The following PHC2 variants were observed in gnomAD, a reference collection of about 807,000 sequenced individuals.
PHC2 encodes polyhomeotic homolog 2, also known as polyhomeotic-like protein 2.
In PHC2, 29 loss-of-function variants were observed where a neutral mutation model predicts 87.4. The observed-to-expected ratio is 0.33, with a 90% CI of 0.25 to 0.45. The LOEUF (loss-of-function observed/expected upper bound fraction) is 0.45, where lower values mean the gene tolerates loss of function less well. Ranked by LOEUF, PHC2 falls within the 20% of genes least tolerant of loss-of-function variation. The pLI is 1.00. For synonymous variants in PHC2, 438 were observed against 461.7 expected (o/e 0.95, Z 0.66); for missense variants, 857 against 1,136.7 (o/e 0.75, Z 3.54).
rs761984825 is a variant in PHC2 at position 33,367,372 on chromosome 1, G to A, written c.720C>T (p.Pro240=). Residue 240 remains proline (P), a synonymous_variant, in exon 7 of 15, where the codon CCC becomes CCT. Transcript: ENST00000683057. ...TGGGCAGGACAGGCTGAGTGGGGGT[G>A]GGGCCCGAGGCTGCTGCCGCTGGTG... ...QQTPAAAASG[P]TPTQPVLPSL... is the part of the protein sequence containing the mutation. 3.1e-6 allele frequency: 5 copies of A among 1,606,762 alleles called. No homozygotes were observed. The highest frequency in any genetic ancestry group is 1.7e-5 in the Admixed American group (1 of 59,708).
At chr1:33,408,853 T>C (rs1202211254) in intron 1 of PHC2, among the ~76,000 whole-genome samples, 1 of 152,282 alleles carries the variant, frequency 6.6e-6, no homozygotes, top group Non-Finnish European at 1.5e-5. Context: ...GACTTCCTTG[T>C]TACCATCCCA....
intron 9 of PHC2, among the ~76,000 whole-genome samples, chr1:33,350,826 C>T (rs563938537): frequency 6.6e-6 from 1 of 152,032 alleles, no homozygotes; most frequent in South Asian, 2.1e-4. Context: ...AATTTTCAAC[C>T]CCCCTTTTCA....
chr1:33,347,054 A>G (rs1322893054), intron 9 of PHC2: 7 of 985,376 alleles, frequency 7.1e-6, no homozygotes, highest in African/African-American at 1.7e-5. Context: ...GATCAGAACC[A>G]AGGGATCCAA....
rs536270556 is a variant in PHC2, at chr1:33,388,362, T to G, written c.-54-12769A>C. ...TTTTTAGACAGAGTTTTGCTCTTGT[T>G]GCCCAGGCTGGAGTGCAATGGCGCG... On this transcript the variant is annotated intron_variant, in intron 1 of 14. Transcript: ENST00000683057. Among the ~76,000 whole-genome samples the G allele has an allele frequency of 3.9e-4, 59 of 151,714 alleles. 1 individual carries two copies. In the South Asian group the frequency reaches 0.012, roughly 31 times the overall value.
chr1:33,330,189 C>T lies in PHC2; in HGVS notation c.2030G>A (p.Arg677Gln), dbSNP rs1646460122. ...AKRYNVGCTK[R>Q]VGLFHSDRSK... is the part of the protein sequence containing the mutation. ...CCGGTCTGAGTGGAAAAGTCCCACCCGTTTGGTGCATCCCACGTTGTACCT... is the reference window on the plus strand; with the variant it reads ...CCGGTCTGAGTGGAAAAGTCCCACCTGTTTGGTGCATCCCACGTTGTACCT... Residue 677 changes from arginine to glutamine, a missense_variant, in exon 13 of 15, where the codon CGG becomes CAG. Arg to Gln is a conservative substitution (Grantham distance 43). Coordinates refer to ENST00000683057, the MANE Select transcript of PHC2 (RefSeq NM_001385109.1). 1.2e-6 allele frequency: 2 copies of T among 1,614,198 alleles called. No individual in the cohort carries two copies. Among genetic ancestry groups the T allele is most frequent in the Non-Finnish European group, 1.7e-6 (2 of 1,180,048 alleles).
chr1:33,389,665 T>C (rs1648951079), intron 1 of PHC2, among the ~76,000 whole-genome samples: 1 of 152,188 alleles, frequency 6.6e-6, no homozygotes, highest in Non-Finnish European at 1.5e-5. Flanking sequence ...TAGCCTTTAA[T>C]TGCTATTAAC....
intron 1 of PHC2, among the ~76,000 whole-genome samples, chr1:33,403,225 C>G (rs1649620975): frequency 7.0e-6 from 1 of 143,424 alleles, no homozygotes; most frequent in South Asian, 2.3e-4. Context: ...CTCCCAGGTT[C>G]AAGAGATTCT....
intron 1 of PHC2, among the ~76,000 whole-genome samples, chr1:33,399,199 C>T (rs1202809960): frequency 1.3e-5 from 2 of 152,030 alleles, no homozygotes; most frequent in Non-Finnish European, 2.9e-5. Context: ...GTTTCCTTGT[C>T]TTTAAAGCAG....
At position 33,334,423 on chromosome 1, in the gene PHC2, G is replaced by A; in HGVS notation, c.1559-131C>T. ...GCCAAGCGACAATGCAAACCAAGCA[G>A]TCCCCTCCCCTCAGTGACCCATTTA... On this transcript the variant is annotated intron_variant, in intron 9 of 14. Coordinates refer to ENST00000683057, the MANE Select transcript of PHC2 (RefSeq NM_001385109.1). This position sits in a 1 kb window ranked among gnomAD's most constrained non-coding sequence, Gnocchi z 5.5. 1 of 732,670 alleles carries A rather than the reference G, an allele frequency of 1.4e-6. No homozygotes were observed. The highest frequency in any genetic ancestry group is 1.7e-5 in the South Asian group (1 of 60,244). 45.4% of individuals were successfully genotyped at this position (732,670 alleles called of 1,614,324 possible).
Position 33,332,694 on chromosome 1 carries a change from A to G in PHC2, c.1762-290T>C, listed in dbSNP as rs1318157461. 6.6e-6 allele frequency among the ~76,000 whole-genome samples: 1 copy of G among 152,166 alleles called. No individual in the cohort carries two copies. Among genetic ancestry groups the G allele is most frequent in the Non-Finnish European group, 1.5e-5 (1 of 68,040 alleles). ...TTCCAGTAAGAGTCTAAGGGCTGAG[A>G]TCAGGTTTCCCACAGTGCCAGATCA... On this transcript the variant is annotated intron_variant, in intron 10 of 14. Transcript: ENST00000683057. The surrounding 1 kb of genome is among the most constrained non-coding windows in gnomAD (Gnocchi z 4.2).
rs1648532362 is a variant in PHC2 at position 33,382,303 on chromosome 1, T to C, written c.-54-6710A>G. On this transcript the variant is annotated intron_variant, in intron 1 of 14. Coordinates refer to ENST00000683057, the MANE Select transcript of PHC2 (RefSeq NM_001385109.1). This position sits in a 1 kb window ranked among gnomAD's most constrained non-coding sequence, Gnocchi z 4.3. ...AGTCTCAGTAAGGGCTACTGAGGCA[T>C]CTGTGGACTCTCCTTACATCCTTCC... Among the ~76,000 whole-genome samples, 1 of 152,182 alleles carries C rather than the reference T, an allele frequency of 6.6e-6. No individual in the cohort carries two copies. Among genetic ancestry groups the C allele is most frequent in the Non-Finnish European group, 1.5e-5 (1 of 68,022 alleles).
At chr1:33,394,003 C>G (rs1030716552) in intron 1 of PHC2, among the ~76,000 whole-genome samples, 4 of 152,118 alleles carry the variant, frequency 2.6e-5, no homozygotes, top group African/African-American at 9.7e-5. Flanking sequence ...TTCAGAAAGG[C>G]AGAGTTAAGG....
chr1:33,363,481 C>T (rs4271176), intron 7 of PHC2, among the ~76,000 whole-genome samples: 151,943 of 152,314 alleles, frequency 1, 75,786 homozygotes, highest in Non-Finnish European at 1. Context: ...ATCAGCAACA[C>T]TGCATTGTCC....
At chr1:33,397,783 C>T (rs1269959216) in intron 1 of PHC2, among the ~76,000 whole-genome samples, 2 of 152,090 alleles carry the variant, frequency 1.3e-5, no homozygotes, top group Non-Finnish European at 2.9e-5. Context: ...ATGACCTCTG[C>T]AGAGAATACT....
intron 8 of PHC2, 108 bp from the exon 9 acceptor site, chr1:33,354,674 T>TTCAG (rs908750937): frequency 1.1e-4 from 154 of 1,351,010 alleles, no homozygotes; most frequent in Middle Eastern, 4.7e-4. Flanking sequence ...GACCTTAAGA[T>TTCAG]TCAGTCATCC....
Position 33,421,828 on chromosome 1 carries a change from C to T in PHC2, c.-55+9148G>A, listed in dbSNP as rs1025652274. ...AGGCTCATTAAAGGTTCTTCGCTAA[C>T]TGCATGATTCCGTCTCTGGTCTCAC... On this transcript the variant is annotated intron_variant, in intron 1 of 14. Transcript: ENST00000683057. Among the ~76,000 whole-genome samples, 3 of 152,336 alleles carry T rather than the reference C, an allele frequency of 2.0e-5. No individual in the cohort carries two copies. The East Asian group carries it at 5.8e-4, about 29-fold the overall frequency.
intron 1 of PHC2, among the ~76,000 whole-genome samples, chr1:33,394,761 C>T (rs1006909868): frequency 2.0e-5 from 3 of 152,032 alleles, no homozygotes; most frequent in Admixed American, 6.6e-5. Flanking sequence ...GTAGAGATGG[C>T]GTCTTGCTTT....
chr1:33,344,564 T>G (rs1222977100), intron 9 of PHC2, among the ~76,000 whole-genome samples: 2 of 152,244 alleles, frequency 1.3e-5, no homozygotes, highest in Non-Finnish European at 2.9e-5. Context: ...AGATTAATAC[T>G]GATTACTGGA....
At chr1:33,347,395 T>C in intron 9 of PHC2, 4 of 985,402 alleles carry the variant, frequency 4.1e-6, no homozygotes, top group Non-Finnish European at 4.8e-6. Flanking sequence ...TGGAGGTCCT[T>C]CTTTACTTAG....
Sources: allele counts gnomAD v4.1 joint callset (sites outside exome capture counted in the v4.1 genomes callset), GRCh38; gene constraint gnomAD v4.1.1; non-coding constraint Gnocchi (gnomAD v3.1); transcripts MANE v1.5; gene names NCBI Gene and HGNC (gene_info 2026-07-23, HGNC 2026-07-21).